The following GNB1 variants were observed in gnomAD, a reference collection of about 807,000 sequenced individuals.
GNB1 encodes the protein guanine nucleotide-binding protein G(I)/G(S)/G(T) subunit beta-1.
GNB1 carries 2 observed loss-of-function variants against 42.9 expected under a neutral mutation model. That is an observed-to-expected ratio of 0.05 (90% CI 0.02 to 0.15). The LOEUF (loss-of-function observed/expected upper bound fraction) is 0.15, where lower values mean the gene tolerates loss of function less well. GNB1 is among the 10% of genes least tolerant of loss of function. The pLI is 1.00. For synonymous variants in GNB1, 183 were observed against 174.7 expected (o/e 1.05, Z -0.38); for missense variants, 193 against 462.2 (o/e 0.42, Z 5.34).
At chr1:1,868,885 A>G (rs573067522) in intron 1 of GNB1, among the ~76,000 whole-genome samples, 4 of 152,036 alleles carry the variant, frequency 2.6e-5, no homozygotes, top group African/African-American at 9.6e-5. Flanking sequence ...TAATTTCTAT[A>G]AAGAATAAGT....
intron 1 of GNB1, among the ~76,000 whole-genome samples, chr1:1,887,282 C>A (rs573438209): frequency 1.3e-5 from 2 of 152,160 alleles, no homozygotes; most frequent in Non-Finnish European, 2.9e-5. Flanking sequence ...TAAAATAATA[C>A]CAATGTTATT....
At chr1:1,868,881 C>T (rs1405224162) in intron 1 of GNB1, among the ~76,000 whole-genome samples, 1 of 151,874 alleles carries the variant, frequency 6.6e-6, no homozygotes, top group Non-Finnish European at 1.5e-5. Flanking sequence ...AAGTTAATTT[C>T]TATAAAGAAT....
chr1:1,806,845 G>A (rs936157246), intron 5 of GNB1, among the ~76,000 whole-genome samples: 4 of 152,234 alleles, frequency 2.6e-5, no homozygotes, highest in South Asian at 2.1e-4. Context: ...ATGGTAGTGC[G>A]TCTCTGTAAT....
intron 1 of GNB1, among the ~76,000 whole-genome samples, chr1:1,887,555 A>T (rs530069146): frequency 6.6e-6 from 1 of 152,378 alleles, no homozygotes; most frequent in East Asian, 1.9e-4. Context: ...TCTGTTTCTC[A>T]AGTGATCAAC....
intron 1 of GNB1, among the ~76,000 whole-genome samples, chr1:1,848,369 A>AAAAG (rs1263630713): frequency 6.6e-6 from 1 of 151,534 alleles, no homozygotes; most frequent in African/African-American, 2.4e-5. Context: ...AAAAAAAAAA[A>AAAAG]AAAAAGAAAA....
At chr1:1,846,531 C>T (rs763001061) in intron 1 of GNB1, among the ~76,000 whole-genome samples, 1 of 152,152 alleles carries the variant, frequency 6.6e-6, no homozygotes, top group Non-Finnish European at 1.5e-5. Flanking sequence ...CATGCCACTG[C>T]ACTCCAGGCT....
intron 1 of GNB1, among the ~76,000 whole-genome samples, chr1:1,888,159 T>C (rs370041540): frequency 5.9e-5 from 9 of 152,118 alleles, no homozygotes; most frequent in Admixed American, 1.3e-4. Flanking sequence ...GCGAGAGAAA[T>C]AGCTTTTGGC....
At chr1:1,810,667 CTTTTTT>C (rs1646763566) in intron 5 of GNB1, among the ~76,000 whole-genome samples, 1 of 150,042 alleles carries the variant, frequency 6.7e-6, no homozygotes, top group South Asian at 2.1e-4. Flanking sequence ...ATGTAGTTTT[CTTTTTT>C]GTTTGTTTTT....
chr1:1,858,779 G>A (rs562584219), intron 1 of GNB1, among the ~76,000 whole-genome samples: 1 of 152,266 alleles, frequency 6.6e-6, no homozygotes, highest in Admixed American at 6.5e-5. Flanking sequence ...GAGGGGGTTC[G>A]TGCTCCAACA....
chr1:1,878,899 C>T (rs1649690250), intron 1 of GNB1, among the ~76,000 whole-genome samples: 1 of 152,210 alleles, frequency 6.6e-6, no homozygotes, highest in Non-Finnish European at 1.5e-5. Context: ...CTACCACTGA[C>T]GAATCCATCT....
intron 3 of GNB1, among the ~76,000 whole-genome samples, chr1:1,819,308 G>A (rs866744552): frequency 2.0e-5 from 3 of 151,044 alleles, no homozygotes; most frequent in Non-Finnish European, 4.4e-5. Context: ...CGCAGCCTCC[G>A]CCTCCCAGGT....
Position 1,804,307 on chromosome 1 carries a change from T to A in GNB1, c.430+112A>T, listed in dbSNP as rs536986925. 2.3e-3 allele frequency: 1,716 copies of A among 733,306 alleles called. 12 individuals are homozygous for A. Among genetic ancestry groups the A allele is most frequent in the African/African-American group, 2.4e-3 (132 of 55,658 alleles). 45.4% of individuals were successfully genotyped at this position (733,306 alleles called of 1,614,324 possible). On this transcript the variant is annotated intron_variant, in intron 7 of 11. Coordinates refer to ENST00000378609, the MANE Select transcript of GNB1 (RefSeq NM_002074.5). ...GAGCGAGACTCCGCCTCAAAAAAAA[T>A]AATTAATTAATTAATTAAAAAATGA... is the stretch of plus-strand genomic sequence containing the variant.
chr1:1,805,548 T>G (rs535580178), intron 6 of GNB1, among the ~76,000 whole-genome samples: 1 of 151,658 alleles, frequency 6.6e-6, no homozygotes, highest in African/African-American at 2.4e-5. Flanking sequence ...AAACAAAAAA[T>G]TTTTTTTTCG....
intron 1 of GNB1, among the ~76,000 whole-genome samples, chr1:1,842,013 T>C (rs1456119160): frequency 6.6e-6 from 1 of 152,228 alleles, no homozygotes; most frequent in Non-Finnish European, 1.5e-5. Context: ...TATTCAGCTA[T>C]AAAGATAAAG....
intron 1 of GNB1, among the ~76,000 whole-genome samples, chr1:1,854,017 C>T (rs1373785973): frequency 1.3e-5 from 2 of 152,212 alleles, no homozygotes; most frequent in South Asian, 2.1e-4. Context: ...CTGCCCATCT[C>T]CAATCATGTG....
chr1:1,840,543 A>G (rs1052696404), intron 1 of GNB1, among the ~76,000 whole-genome samples: 1 of 152,248 alleles, frequency 6.6e-6, no homozygotes, highest in Non-Finnish European at 1.5e-5. Context: ...ACACACGCAC[A>G]CACACACACA....
chr1:1,877,405 C>A (rs1395646552), intron 1 of GNB1, among the ~76,000 whole-genome samples: 1 of 150,984 alleles, frequency 6.6e-6, no homozygotes, highest in Admixed American at 6.6e-5. Context: ...AGATACAAAA[C>A]ACTAGAAGAA....
chr1:1,810,722 C>T (rs1646764614), intron 5 of GNB1, among the ~76,000 whole-genome samples: 1 of 151,648 alleles, frequency 6.6e-6, no homozygotes, highest in Admixed American at 6.6e-5. Flanking sequence ...GGTTGGAGTG[C>T]AGTGGTGCAA....
At chr1:1,845,445 C>T (rs1276352571) in intron 1 of GNB1, among the ~76,000 whole-genome samples, 2 of 151,996 alleles carry the variant, frequency 1.3e-5, no homozygotes, top group Admixed American at 6.6e-5. Flanking sequence ...GGATGGCGGG[C>T]GCCTGTAGTC....
Sources: gnomAD v4.1 joint callset for allele counts (sites outside exome capture counted in the v4.1 genomes callset) on GRCh38, gnomAD v4.1.1 for gene constraint, MANE v1.5 for transcripts, NCBI Gene and HGNC (gene_info 2026-07-23, HGNC 2026-07-21) for gene names.